KNTC1: variants seen among roughly 807,000 people sequenced by gnomAD.
KNTC1 encodes the protein kinetochore associated 1.
Under a neutral mutation model 314.4 loss-of-function variants are expected in KNTC1, and 253 were observed. That is an observed-to-expected ratio of 0.80 (90% CI 0.73 to 0.89). The LOEUF (loss-of-function observed/expected upper bound fraction) is 0.89. Ranked by LOEUF, KNTC1 falls within the 40% of genes least tolerant of loss-of-function variation. The pLI, the probability that KNTC1 is intolerant of heterozygous loss-of-function variation, is 0.00. For missense variants in KNTC1, 2,475 were observed against 2,572.9 expected, an observed-to-expected ratio of 0.96 and a Z score of 0.82; for synonymous variants, 901 against 901.4, an observed-to-expected ratio of 1.00 and a Z score of 0.01.
chr12:122,614,912 A>G, intron 55 of KNTC1, 79 bp from the exon 56 acceptor site: 11 of 951,586 alleles, frequency 1.2e-5, no homozygotes, highest in Non-Finnish European at 1.8e-5. Flanking sequence ...TTTTGTATTA[A>G]GCTGCCCTAC....
chr12:122,577,938 T>C, intron 31 of KNTC1, 147 bp downstream of exon 31: 2 of 647,532 alleles, frequency 3.1e-6, no homozygotes, highest in Non-Finnish European at 4.8e-6. Context: ...GTAAATTTAC[T>C]ACTAGGAGAA....
chr12:122,602,793 C>A, intron 46 of KNTC1, 36 bp from the exon 47 acceptor site: 1 of 1,609,924 alleles, frequency 6.2e-7, no homozygotes, highest in South Asian at 1.1e-5. Context: ...AATTTTTTTT[C>A]TTAAGCAAAT....
Position 122,597,808 on chromosome 12 carries a change from G to T in KNTC1, c.4433G>T (p.Gly1478Val), listed in dbSNP as rs747982808. Reference sequence around the variant, plus strand: ...CTCCACAACACAAATGCCGGCCAAGGCCAGGGAGATGCAAGCATGGACTCT... The same window carrying T: ...CTCCACAACACAAATGCCGGCCAAGTCCAGGGAGATGCAAGCATGGACTCT... ...TLLHNTNAGQ[G>V]QGDASMDSAK... is the part of the protein sequence containing the mutation. The change falls in exon 44 of 64, where the codon GGC (glycine) becomes GTC (valine). Residue 1478 changes from glycine (G) to valine (V), a missense_variant. Physicochemically the swap from Gly to Val is moderately radical, Grantham distance 109. Coordinates refer to ENST00000333479, the MANE Select transcript of KNTC1 (RefSeq NM_014708.6). 1.2e-6 allele frequency: 2 copies of T among 1,614,014 alleles called. No homozygotes were observed. The highest frequency in any genetic ancestry group is 1.7e-6 in the Non-Finnish European group (2 of 1,179,900).
chr12:122,602,964 G>C (rs1872135504), intron 47 of KNTC1, 63 bp from the exon 48 acceptor site: 3 of 1,558,642 alleles, frequency 1.9e-6, no homozygotes, highest in Middle Eastern at 1.7e-4. Flanking sequence ...TTTTTCTGCT[G>C]CTTTCATGTA....
chr12:122,588,833 G>A lies in KNTC1; in HGVS notation c.3999+17G>A. On this transcript the variant is annotated intron_variant, in intron 40 of 63. Transcript: ENST00000333479. ...CTGCACAAAGTAAGTATTTGTTCTG[G>A]GTAAAAATTTTGTTTGTTTTTTTTT... 1 of 1,475,072 alleles carries A rather than the reference G, an allele frequency of 6.8e-7. No homozygotes were observed. Among genetic ancestry groups the A allele is most frequent in the Non-Finnish European group, 9.0e-7 (1 of 1,109,596 alleles). 91.4% of individuals were successfully genotyped at this position (1,475,072 alleles called of 1,614,324 possible).
intron 18 of KNTC1, among the ~76,000 whole-genome samples, chr12:122,559,228 C>T (rs971363199): frequency 3.3e-5 from 5 of 151,978 alleles, no homozygotes; most frequent in African/African-American, 7.2e-5. Flanking sequence ...TGGTGGCACG[C>T]ACCTGTAGTC....
chr12:122,527,313 A>G lies in KNTC1; in HGVS notation c.-112A>G, dbSNP rs1483388719. ...GTTGTGTGAGTCAGGAAGAGGGGCC[A>G]GATATCTGAGTGTTCCTCTTTAGTT... On this transcript the variant is annotated 5_prime_UTR_variant, in exon 1 of 64. Transcript: ENST00000333479. 3.1e-5 allele frequency: 6 copies of G among 192,334 alleles called. No homozygotes were observed. Among genetic ancestry groups the G allele is most frequent in the East Asian group, 1.6e-4 (1 of 6,360 alleles). 11.9% of individuals were successfully genotyped at this position (192,334 alleles called of 1,614,324 possible).
At chr12:122,559,144 C>T (rs921794142) in intron 18 of KNTC1, among the ~76,000 whole-genome samples, 2 of 152,042 alleles carry the variant, frequency 1.3e-5, no homozygotes, top group Admixed American at 6.6e-5. Context: ...GTCAGGAGAT[C>T]GAGACCATTG....
chr12:122,609,438 T>C lies in KNTC1; in HGVS notation c.5543+8T>C, dbSNP rs1338301643. On this transcript the variant is annotated splice_region_variant and intron_variant, in intron 52 of 63. Coordinates refer to ENST00000333479, the MANE Select transcript of KNTC1 (RefSeq NM_014708.6). ...AGATGAAGCCCTACGAAGGTACTCT[T>C]TTCCTTTACTTATATTCACCTATAT... The C allele has an allele frequency of 1.3e-6, 2 of 1,517,162 alleles. No individual in the cohort carries two copies. Among genetic ancestry groups the C allele is most frequent in the African/African-American group, 2.8e-5 (2 of 72,682 alleles). 94.0% of individuals were successfully genotyped at this position (1,517,162 alleles called of 1,614,324 possible).
intron 33 of KNTC1, among the ~76,000 whole-genome samples, chr12:122,581,116 A>C (rs1390729442): frequency 6.6e-6 from 1 of 151,332 alleles, no homozygotes; most frequent in East Asian, 1.9e-4. Context: ...CAACAGCTGT[A>C]TTGAGATGTA....
chr12:122,606,222 CTTTTT>C (rs34344479), intron 51 of KNTC1, among the ~76,000 whole-genome samples: 81 of 109,772 alleles, frequency 7.4e-4, no homozygotes, highest in African/African-American at 1.8e-3. Context: ...AGATTGTTTA[CTTTTT>C]TTTTTTTTTT....
At chr12:122,604,502 T>C in intron 48 of KNTC1, 62 bp from the exon 49 acceptor site, 1 of 1,001,272 alleles carries the variant, frequency 1.0e-6, no homozygotes, top group Non-Finnish European at 1.4e-6. Context: ...AAAATACATT[T>C]TCTTGAAAAG....
intron 36 of KNTC1, 101 bp downstream of exon 36, chr12:122,585,091 G>A (rs1395196900): frequency 8.8e-6 from 6 of 681,576 alleles, no homozygotes; most frequent in South Asian, 1.8e-5. Context: ...AGGCTGGAGT[G>A]CAGTGGCATG....
At position 122,626,302 on chromosome 12, in the gene KNTC1, T is replaced by G; in HGVS notation, c.*74T>G. 1 of 1,013,826 alleles carries G rather than the reference T, an allele frequency of 9.9e-7. No homozygotes were observed. Among genetic ancestry groups the G allele is most frequent in the East Asian group, 2.5e-5 (1 of 40,680 alleles). The allele number at this position is 1,013,826 out of a possible 1,614,324, so 62.8% of individuals were successfully genotyped here. A position where few individuals can be genotyped will look rare whatever the true frequency, so the allele number is the denominator to read the frequency against. ...TTAATGGACCATATTTATTACAGTT[T>G]TTAAATTGTACAATCTCTGTATTAT... On this transcript the variant is annotated 3_prime_UTR_variant, in exon 64 of 64. Coordinates refer to ENST00000333479, the MANE Select transcript of KNTC1 (RefSeq NM_014708.6).
At chr12:122,543,821 G>A (rs1012641087) in intron 7 of KNTC1, among the ~76,000 whole-genome samples, 187 bp downstream of exon 7, 3 of 151,884 alleles carry the variant, frequency 2.0e-5, no homozygotes, top group Non-Finnish European at 4.4e-5. Flanking sequence ...GAGGCCAAGG[G>A]GGCGGATCAC....
chr12:122,556,359 C>T lies in KNTC1; in HGVS notation c.1273-1025C>T, dbSNP rs76480003. On this transcript the variant is annotated intron_variant, in intron 16 of 63. Transcript: ENST00000333479. ...AATATACATTATTACTAACTACAGTCATCATAGACCTCTGAAACTCATTCC... is the reference window on the plus strand; with the variant it reads ...AATATACATTATTACTAACTACAGTTATCATAGACCTCTGAAACTCATTCC... 8.9e-3 allele frequency among the ~76,000 whole-genome samples: 1,352 copies of T among 152,042 alleles called. 23 individuals are homozygous for T. Among genetic ancestry groups the T allele is most frequent in the African/African-American group, 0.031 (1,275 of 41,468 alleles).
intron 18 of KNTC1, 55 bp downstream of exon 18, chr12:122,557,744 ATC>A: frequency 8.4e-7 from 1 of 1,191,108 alleles, no homozygotes; most frequent in Non-Finnish European, 1.2e-6. Flanking sequence ...ATTTGCTTTA[ATC>A]TCTCATAATC....
At chr12:122,585,509 C>A in intron 36 of KNTC1, 127 bp from the exon 37 acceptor site, 1 of 1,019,000 alleles carries the variant, frequency 9.8e-7, no homozygotes, top group Non-Finnish European at 1.4e-6. Flanking sequence ...CCAGCAAGGC[C>A]TCCCTCGACA....
At chr12:122,569,932 T>C (rs1295880776) in intron 22 of KNTC1, 108 bp downstream of exon 22, 2 of 926,112 alleles carry the variant, frequency 2.2e-6, no homozygotes, top group Non-Finnish European at 3.2e-6. Context: ...TTAGTTAAGC[T>C]AACACCTGTG....
Sources: allele counts gnomAD v4.1 joint callset (sites outside exome capture counted in the v4.1 genomes callset), GRCh38; gene constraint gnomAD v4.1.1; transcripts MANE v1.5; gene names NCBI Gene and HGNC (gene_info 2026-07-23, HGNC 2026-07-21).